The following NLGN1 variants were observed in gnomAD, a reference collection of about 807,000 sequenced individuals.
NLGN1 encodes neuroligin-1.
In NLGN1, 12 loss-of-function variants were observed where a neutral mutation model predicts 65.5. The ratio of observed to expected loss-of-function variants is 0.18; its 90% confidence interval spans 0.12 to 0.30. The LOEUF (loss-of-function observed/expected upper bound fraction) is 0.30. NLGN1 is among the 10% of genes least tolerant of loss of function. The probability of loss-of-function intolerance (pLI) is 1.00; values close to 1 mark genes in which losing one functional copy is unlikely to be tolerated. For missense variants in NLGN1, 750 were observed against 1,007.1 expected, an observed-to-expected ratio of 0.74 and a Z score of 3.46; for synonymous variants, 350 against 359.5, an observed-to-expected ratio of 0.97 and a Z score of 0.30.
At chr3:173,474,070 C>T (rs1383021082) in intron 2 of NLGN1, among the ~76,000 whole-genome samples, 2 of 152,122 alleles carry the variant, frequency 1.3e-5, no homozygotes, top group African/African-American at 4.8e-5. Context: ...CTTTTTAATA[C>T]TGGGTGTATT....
chr3:173,504,190 C>G (rs1009214646), intron 2 of NLGN1, among the ~76,000 whole-genome samples: 1 of 152,068 alleles, frequency 6.6e-6, no homozygotes. Flanking sequence ...CCACTATAGG[C>G]ACACCCCTTC....
chr3:173,978,815 G>T (rs1260706643), intron 4 of NLGN1, among the ~76,000 whole-genome samples: 1 of 144,826 alleles, frequency 6.9e-6, no homozygotes, highest in Non-Finnish European at 1.5e-5. Context: ...GGCTAACATG[G>T]TGAAACCCCT....
chr3:174,060,898 C>G (rs544684111), intron 4 of NLGN1, among the ~76,000 whole-genome samples: 1 of 152,092 alleles, frequency 6.6e-6, no homozygotes, highest in Admixed American at 6.6e-5. Flanking sequence ...AATCTCTTAG[C>G]CACTTATAGG....
chr3:173,397,853 G>C (rs1039973229), upstream of NLGN1: 1 of 152,198 alleles, frequency 6.6e-6, no homozygotes, highest in African/African-American at 2.4e-5. Context: ...AGGCGAGTCG[G>C]AGTGGGTGAT....
intron 4 of NLGN1, among the ~76,000 whole-genome samples, chr3:173,856,281 T>A (rs919653840): frequency 1.4e-3 from 6 of 4,402 alleles, no homozygotes; most frequent in African/African-American, 0.011. Context: ...TAGTAGCTCG[T>A]TTTACTATAT....
At chr3:173,738,345 C>G (rs1774105407) in intron 3 of NLGN1, among the ~76,000 whole-genome samples, 1 of 151,780 alleles carries the variant, frequency 6.6e-6, no homozygotes, top group African/African-American at 2.4e-5. Flanking sequence ...TGAAATTTTA[C>G]TATGTTTTCT....
At chr3:173,991,318 T>C (rs779642026) in intron 4 of NLGN1, among the ~76,000 whole-genome samples, 26 of 152,174 alleles carry the variant, frequency 1.7e-4, no homozygotes, top group Admixed American at 4.6e-4. Flanking sequence ...ATATTATCTA[T>C]ATGACTTTTA....
In NLGN1 at chr3:173,497,891, T is replaced by A. The variant is rs988151857; in HGVS notation, c.-321+62813T>A. On this transcript the variant is annotated intron_variant, in intron 2 of 6. Coordinates refer to ENST00000457714, the Ensembl canonical transcript of NLGN1. Reference sequence around the variant, plus strand: ...CATAAACAATAATGCAATAAATATCTTTATATATATGAATGTATCTGATAA... The same window carrying A: ...CATAAACAATAATGCAATAAATATCATTATATATATGAATGTATCTGATAA... Among the ~76,000 whole-genome samples, 4 of 151,876 alleles carry A rather than the reference T, an allele frequency of 2.6e-5. No homozygotes were observed. In the South Asian group the frequency reaches 8.3e-4, roughly 31 times the overall value.
chr3:174,148,884 T>G lies in NLGN1; in HGVS notation c.647-126431T>G, dbSNP rs577207303. On this transcript the variant is annotated intron_variant, in intron 4 of 6. Coordinates refer to ENST00000457714, the Ensembl canonical transcript of NLGN1. ...TTCCACAATTATATTATTCTGCTAT[T>G]GCAGGCCTTCCACAGGCATACCAAA... 4.4e-3 allele frequency among the ~76,000 whole-genome samples: 674 copies of G among 152,310 alleles called. 5 individuals carry two copies. The highest frequency in any genetic ancestry group is 0.015 in the African/African-American group (639 of 41,578).
chr3:173,644,482 G>A (rs928771792), intron 3 of NLGN1: 2 of 161,810 alleles, frequency 1.2e-5, no homozygotes, highest in African/African-American at 4.8e-5. Context: ...TGGCCTACTT[G>A]TGAGAGTTCG....
chr3:174,100,164 G>A (rs1196053699), intron 4 of NLGN1, among the ~76,000 whole-genome samples: 4 of 151,970 alleles, frequency 2.6e-5, no homozygotes, highest in Non-Finnish European at 5.9e-5. Context: ...AACTCAAAAT[G>A]TAATCTTGTG....
chr3:173,843,740 A>C (rs989708656), intron 4 of NLGN1, among the ~76,000 whole-genome samples: 3 of 152,108 alleles, frequency 2.0e-5, no homozygotes, highest in African/African-American at 7.2e-5. Context: ...GCCATTCAAC[A>C]AGTCTCTAGG....
At chr3:173,701,795 A>T (rs1263738169) in intron 3 of NLGN1, among the ~76,000 whole-genome samples, 2 of 152,208 alleles carry the variant, frequency 1.3e-5, no homozygotes, top group African/African-American at 4.8e-5. Context: ...GCCAGTGGAG[A>T]TAAATGACTT....
intron 4 of NLGN1, among the ~76,000 whole-genome samples, chr3:173,859,916 T>A (rs1361341514): frequency 6.6e-6 from 1 of 152,074 alleles, no homozygotes; most frequent in African/African-American, 2.4e-5. Context: ...TACGCTTTCA[T>A]TTTATTTCTA....
At chr3:173,472,131 A>G (rs1158981796) in intron 2 of NLGN1, among the ~76,000 whole-genome samples, 3 of 152,158 alleles carry the variant, frequency 2.0e-5, no homozygotes, top group Non-Finnish European at 4.4e-5. Flanking sequence ...AAAGTAATGC[A>G]CACGCTATTC....
chr3:173,958,494 T>G (rs960515604), intron 4 of NLGN1, among the ~76,000 whole-genome samples: 2 of 152,068 alleles, frequency 1.3e-5, no homozygotes, highest in African/African-American at 4.8e-5. Context: ...GAGGAGACCC[T>G]GGAGTGGGTA....
intron 4 of NLGN1, among the ~76,000 whole-genome samples, chr3:174,093,212 A>G (rs1744862560): frequency 6.6e-6 from 1 of 152,222 alleles, no homozygotes; most frequent in South Asian, 2.1e-4. Context: ...CAGCAAACGC[A>G]ATTTTGCAGG....
chr3:173,781,821 A>G (rs142473264), intron 3 of NLGN1, among the ~76,000 whole-genome samples: 16 of 152,360 alleles, frequency 1.1e-4, no homozygotes, highest in African/African-American at 3.8e-4. Context: ...ATATTTTTTA[A>G]ACAAAGTATA....
intron 4 of NLGN1, among the ~76,000 whole-genome samples, chr3:174,215,137 T>C (rs550717089): frequency 5.7e-4 from 86 of 152,122 alleles, no homozygotes; most frequent in Admixed American, 5.6e-3. Context: ...CTCGGTTGGG[T>C]TACCTAAACT....
Sources: allele counts gnomAD v4.1 joint callset (sites outside exome capture counted in the v4.1 genomes callset), GRCh38; gene constraint gnomAD v4.1.1; transcripts MANE v1.5; gene names NCBI Gene and HGNC (gene_info 2026-07-23, HGNC 2026-07-21).